Variants in PPP2R2B observed in about 807,000 individuals in gnomAD.
PPP2R2B encodes serine/threonine-protein phosphatase 2A 55 kDa regulatory subunit B beta isoform.
Under a neutral mutation model 46.0 loss-of-function variants are expected in PPP2R2B, and 5 were observed. The observed-to-expected ratio is 0.11, with a 90% CI of 0.06 to 0.23. The LOEUF is 0.23. Ranked by LOEUF, PPP2R2B falls within the 10% of genes least tolerant of loss-of-function variation. The probability of loss-of-function intolerance (pLI) is 1.00; values close to 1 mark genes in which losing one functional copy is unlikely to be tolerated. For synonymous variants in PPP2R2B, 215 were observed against 206.7 expected (o/e 1.04, Z -0.34); for missense variants, 367 against 575.0 (o/e 0.64, Z 3.70).
chr5:147,022,101 G>A lies in PPP2R2B; in HGVS notation c.79+33564C>T, dbSNP rs148659251. ...TAAAAAAACAATAAAATTGAAGATGGGGTATAAAATTATTCAAACTAAAAC... is the reference window on the plus strand; with the variant it reads ...TAAAAAAACAATAAAATTGAAGATGAGGTATAAAATTATTCAAACTAAAAC... On this transcript the variant is annotated intron_variant, in intron 1 of 8. Coordinates refer to the PPP2R2B transcript ENST00000336640. Among the ~76,000 whole-genome samples, 994 of 152,052 alleles carry A rather than the reference G, an allele frequency of 6.5e-3. 11 individuals are homozygous for A. Among genetic ancestry groups the A allele is most frequent in the African/African-American group, 0.023 (950 of 41,468 alleles).
At chr5:146,870,771 T>A (rs539868519) in intron 2 of PPP2R2B, among the ~76,000 whole-genome samples, 2 of 152,104 alleles carry the variant, frequency 1.3e-5, no homozygotes, top group Non-Finnish European at 2.9e-5. Flanking sequence ...TTTTTTCCCC[T>A]TACACACAGA....
chr5:146,846,906 A>T (rs984219969), intron 2 of PPP2R2B, among the ~76,000 whole-genome samples: 1 of 152,196 alleles, frequency 6.6e-6, no homozygotes, highest in South Asian at 2.1e-4. Flanking sequence ...TAGAAGTCTC[A>T]AAGCCACTGC....
chr5:146,699,478 T>C (rs771422403), intron 3 of PPP2R2B, among the ~76,000 whole-genome samples: 3 of 152,220 alleles, frequency 2.0e-5, no homozygotes, highest in Admixed American at 6.5e-5. Flanking sequence ...TTAGAAAATG[T>C]GTCCCCCATC....
At chr5:146,969,217 C>T (rs1390570194) in intron 1 of PPP2R2B, among the ~76,000 whole-genome samples, 1 of 152,150 alleles carries the variant, frequency 6.6e-6, no homozygotes, top group Non-Finnish European at 1.5e-5. Context: ...ACAAAAATAT[C>T]TAATCTGAGA....
intron 2 of PPP2R2B, among the ~76,000 whole-genome samples, chr5:146,724,816 A>C (rs1751749222): frequency 6.6e-6 from 1 of 152,176 alleles, no homozygotes; most frequent in African/African-American, 2.4e-5. Flanking sequence ...AACACATTTT[A>C]CCTTAGTTCT....
intron 2 of PPP2R2B, among the ~76,000 whole-genome samples, chr5:146,724,723 A>G (rs1751743482): frequency 6.6e-6 from 1 of 152,152 alleles, no homozygotes; most frequent in African/African-American, 2.4e-5. Flanking sequence ...ATCTTGACAT[A>G]TTTAATATCT....
intron 2 of PPP2R2B, among the ~76,000 whole-genome samples, chr5:146,705,742 T>C (rs996987938): frequency 5.9e-5 from 9 of 151,564 alleles, no homozygotes; most frequent in Non-Finnish European, 1.3e-4. Flanking sequence ...AAATAGGGGG[T>C]TGGGGAGGGG....
chr5:146,701,810 G>T (rs1439847593), intron 2 of PPP2R2B, among the ~76,000 whole-genome samples: 3 of 152,118 alleles, frequency 2.0e-5, no homozygotes, highest in East Asian at 3.8e-4. Flanking sequence ...AGGGCAATTT[G>T]TACTCTGTAT....
At chr5:146,638,226 C>A in intron 7 of PPP2R2B, 25 bp downstream of exon 7, 1 of 1,606,558 alleles carries the variant, frequency 6.2e-7, no homozygotes, top group Non-Finnish European at 8.5e-7. Context: ...GCCATGCCCC[C>A]CACCTCCCTT....
chr5:146,964,359 T>C (rs2151843875), intron 1 of PPP2R2B, among the ~76,000 whole-genome samples: 1 of 152,368 alleles, frequency 6.6e-6, no homozygotes, highest in Middle Eastern at 3.4e-3. Context: ...AGATTTATGA[T>C]AAACATTAGC....
intron 1 of PPP2R2B, among the ~76,000 whole-genome samples, chr5:146,906,622 TTTTTC>T (rs1209092156): frequency 1.3e-5 from 2 of 152,146 alleles, no homozygotes; most frequent in Non-Finnish European, 2.9e-5. Context: ...GCACCTGGCC[TTTTTC>T]TTTTATTTTT....
chr5:146,828,261 TAA>T lies in PPP2R2B; in HGVS notation c.70+49739_70+49740del, dbSNP rs1218241360. On this transcript the variant is annotated intron_variant, in intron 2 of 9. Coordinates refer to ENST00000394411, the MANE Select transcript of PPP2R2B (RefSeq NM_181675.4). ...CCTAAAATATTACTTTTACTTTTTT[TAA>T]AAAAAAAAAAGACATTCTCTTGCTG... Among the ~76,000 whole-genome samples the T allele has an allele frequency of 3.0e-3, 447 of 147,648 alleles. 2 individuals carry two copies. Among genetic ancestry groups the T allele is most frequent in the East Asian group, 9.2e-3 (46 of 5,022 alleles).
chr5:146,601,230 C>T (rs1387627954), intron 7 of PPP2R2B, among the ~76,000 whole-genome samples: 1 of 152,146 alleles, frequency 6.6e-6, no homozygotes, highest in African/African-American at 2.4e-5. Flanking sequence ...AGGAATAACA[C>T]TGCTATGATT....
intron 2 of PPP2R2B, among the ~76,000 whole-genome samples, chr5:146,788,591 C>A (rs1006521281): frequency 2.0e-5 from 3 of 152,036 alleles, no homozygotes; most frequent in African/African-American, 7.2e-5. Context: ...ATTAGCCAGG[C>A]GTGGTGGCAC....
chr5:146,878,381 G>A lies in PPP2R2B; in HGVS notation c.-124-186C>T. ...GCCTCCGGGTGCCAAGATACGCCGT[G>A]CCCCGAGGGGTCTGGTCCCGCCCGC... is the stretch of plus-strand genomic sequence containing the variant. On this transcript the variant is annotated intron_variant, in intron 1 of 9. Transcript: ENST00000394411. The surrounding 1 kb of genome is among the most constrained non-coding windows in gnomAD (Gnocchi z 4.5). 7.0e-7 allele frequency: 1 copy of A among 1,433,172 alleles called. No homozygotes were observed. The highest frequency in any genetic ancestry group is 9.1e-7 in the Non-Finnish European group (1 of 1,099,754). The allele number at this position is 1,433,172 out of a possible 1,614,324, so 88.8% of individuals were successfully genotyped here. A position where few individuals can be genotyped will look rare whatever the true frequency, so the allele number is the denominator to read the frequency against.
At chr5:146,678,468 T>C (rs1157343358) in intron 5 of PPP2R2B, among the ~76,000 whole-genome samples, 3 of 136,780 alleles carry the variant, frequency 2.2e-5, no homozygotes, top group Non-Finnish European at 4.5e-5. Flanking sequence ...AAGCATTCCC[T>C]TTGGAAACTG....
chr5:146,667,328 GCGCGCA>G (rs34890768), intron 5 of PPP2R2B, among the ~76,000 whole-genome samples: 68,424 of 125,968 alleles, frequency 0.54, 17,194 homozygotes, highest in Middle Eastern at 0.64. Context: ...ATAGGCGTGC[GCGCGCA>G]CACACACACA....
At chr5:146,793,460 C>G (rs1002466658) in intron 2 of PPP2R2B, among the ~76,000 whole-genome samples, 24 of 152,156 alleles carry the variant, frequency 1.6e-4, no homozygotes, top group African/African-American at 5.3e-4. Flanking sequence ...TTGTACATAA[C>G]AGTGGATCCA....
At chr5:146,906,437 C>T (rs1215119640) in intron 1 of PPP2R2B, among the ~76,000 whole-genome samples, 2 of 152,140 alleles carry the variant, frequency 1.3e-5, no homozygotes, top group Non-Finnish European at 2.9e-5. Flanking sequence ...ATTCTCCTGC[C>T]TCAGCCTCCC....
Sources: gnomAD v4.1 joint callset for allele counts (sites outside exome capture counted in the v4.1 genomes callset) on GRCh38, gnomAD v4.1.1 for gene constraint, Gnocchi (gnomAD v3.1) non-coding constraint, MANE v1.5 for transcripts, NCBI Gene and HGNC (gene_info 2026-07-23, HGNC 2026-07-21) for gene names.